The following ZC2HC1A variants were observed in gnomAD, a reference collection of about 807,000 sequenced individuals.
ZC2HC1A encodes the protein zinc finger C2HC-type containing 1A.
ZC2HC1A carries 28 observed loss-of-function variants against 40.7 expected under a neutral mutation model. The ratio of observed to expected loss-of-function variants is 0.69; its 90% confidence interval spans 0.51 to 0.94. ZC2HC1A has a LOEUF of 0.94. Ranked by LOEUF, ZC2HC1A falls within the 40% of genes least tolerant of loss-of-function variation. ZC2HC1A has a pLI of 0.00. For synonymous variants in ZC2HC1A, 129 were observed against 129.2 expected (o/e 1.00, Z 0.01); for missense variants, 389 against 386.3 (o/e 1.01, Z -0.06).
intron 5 of ZC2HC1A, among the ~76,000 whole-genome samples, chr8:78,691,797 A>G (rs1200786000): frequency 6.6e-6 from 1 of 152,000 alleles, no homozygotes; most frequent in African/African-American, 2.4e-5. Context: ...TACCTCTGAC[A>G]GGTTTGTGCT....
intron 8 of ZC2HC1A, among the ~76,000 whole-genome samples, 176 bp downstream of exon 8, chr8:78,715,504 C>T (rs1415340213): frequency 6.6e-6 from 1 of 152,082 alleles, no homozygotes; most frequent in Non-Finnish European, 1.5e-5. Context: ...AACTGAAAAC[C>T]TTCTGTAAAG....
chr8:78,717,611 G>A lies in ZC2HC1A; in HGVS notation c.*118G>A. ...AAAAATACTCGAAATACCATTTCCA[G>A]TTAATTTTGAAGTGTAATCTTTTGG... On this transcript the variant is annotated 3_prime_UTR_variant, in exon 9 of 9. Transcript: ENST00000263849. 1 of 1,170,000 alleles carries A rather than the reference G, an allele frequency of 8.5e-7. No individual in the cohort carries two copies. The highest frequency in any genetic ancestry group is 2.4e-4 in the Middle Eastern group (1 of 4,168). 72.5% of individuals were successfully genotyped at this position (1,170,000 alleles called of 1,614,324 possible).
In ZC2HC1A at chr8:78,709,144, A is replaced by G. The variant is rs116504914; in HGVS notation, c.705-6077A>G. Among the ~76,000 whole-genome samples the G allele has an allele frequency of 4.2e-3, 633 of 152,320 alleles. 3 individuals carry two copies. The highest frequency in any genetic ancestry group is 0.014 in the African/African-American group (594 of 41,582). On this transcript the variant is annotated intron_variant, in intron 7 of 8. Coordinates refer to ENST00000263849, the MANE Select transcript of ZC2HC1A (RefSeq NM_016010.3). ...ATAGTGAAACTATCAAATATCAGAG[A>G]TTTACTTCCTTTTAGTTACTATGAA...
At chr8:78,701,092 A>G (rs1810588005) in intron 7 of ZC2HC1A, among the ~76,000 whole-genome samples, 1 of 152,172 alleles carries the variant, frequency 6.6e-6, no homozygotes, top group East Asian at 1.9e-4. Flanking sequence ...CAGTATCACC[A>G]TTTTAACAAT....
At chr8:78,711,823 A>G (rs975988558) in intron 7 of ZC2HC1A, among the ~76,000 whole-genome samples, 1 of 151,898 alleles carries the variant, frequency 6.6e-6, no homozygotes, top group Non-Finnish European at 1.5e-5. Context: ...CATTGTATGA[A>G]CTCTCTGAGG....
chr8:78,704,423 T>G (rs1246824086), intron 7 of ZC2HC1A, among the ~76,000 whole-genome samples: 2 of 151,096 alleles, frequency 1.3e-5, no homozygotes, highest in Non-Finnish European at 2.9e-5. Flanking sequence ...TAAATATTGG[T>G]CCCCAATATC....
chr8:78,691,757 G>A lies in ZC2HC1A; in HGVS notation c.504+2384G>A, dbSNP rs116874370. ...CTCTAGGAATAAAAAATGCATCTTT[G>A]ACTTACCCATATCTATGGATATTTT... On this transcript the variant is annotated intron_variant, in intron 5 of 8. Coordinates refer to ENST00000263849, the MANE Select transcript of ZC2HC1A (RefSeq NM_016010.3). Among the ~76,000 whole-genome samples the A allele has an allele frequency of 5.2e-3, 790 of 151,904 alleles. 12 individuals carry two copies. The East Asian group carries it at 0.065, about 12-fold the overall frequency.
chr8:78,684,070 T>G (rs1809874982), intron 3 of ZC2HC1A, among the ~76,000 whole-genome samples: 1 of 152,196 alleles, frequency 6.6e-6, no homozygotes, highest in Non-Finnish European at 1.5e-5. Flanking sequence ...CTTTCCCACA[T>G]TTTTCTGTCT....
At position 78,710,446 on chromosome 8, in the gene ZC2HC1A, G is replaced by A. The variant is rs1438734959; in HGVS notation, c.705-4775G>A. On this transcript the variant is annotated intron_variant, in intron 7 of 8. Transcript: ENST00000263849. ...TGTTTCCATTGGATAATTACCTTTA[G>A]GTTTTTATTATATTTTACACATCTT... Among the ~76,000 whole-genome samples the A allele has an allele frequency of 2.0e-5, 3 of 151,836 alleles. No individual in the cohort carries two copies. The East Asian group carries it at 5.8e-4, about 29-fold the overall frequency.
intron 5 of ZC2HC1A, among the ~76,000 whole-genome samples, chr8:78,695,766 T>C (rs1468039716): frequency 6.6e-6 from 1 of 152,202 alleles, no homozygotes; most frequent in African/African-American, 2.4e-5. Flanking sequence ...AGACATTTGT[T>C]AATTTGAAAG....
chr8:78,709,474 G>A (rs2369440), intron 7 of ZC2HC1A, among the ~76,000 whole-genome samples: 104,163 of 151,884 alleles, frequency 0.69, 36,543 homozygotes, highest in East Asian at 0.91. Flanking sequence ...TCCAGACCTC[G>A]GTTTCTTATG....
rs1810690911 is a variant in ZC2HC1A, at chr8:78,704,064, A to T, written c.704+5551A>T. 2.0e-5 allele frequency among the ~76,000 whole-genome samples: 3 copies of T among 152,136 alleles called. No homozygotes were observed. In the South Asian group the frequency reaches 6.2e-4, roughly 32 times the overall value. ...TGAAGCTTAGTTTGGCCTGATATGA[A>T]ATTTTGAGTTGGAATTTCTTTTCTT... On this transcript the variant is annotated intron_variant, in intron 7 of 8. Coordinates refer to ENST00000263849, the MANE Select transcript of ZC2HC1A (RefSeq NM_016010.3).
At chr8:78,668,304 A>C (rs1353148232) in intron 1 of ZC2HC1A, among the ~76,000 whole-genome samples, 1 of 152,178 alleles carries the variant, frequency 6.6e-6, no homozygotes, top group Non-Finnish European at 1.5e-5. Context: ...CCTCTATTGG[A>C]AGTTAAAGTC....
chr8:78,678,775 A>G (rs756018895), intron 3 of ZC2HC1A, 96 bp downstream of exon 3: 23 of 706,782 alleles, frequency 3.3e-5, no homozygotes, highest in Non-Finnish European at 4.9e-5. Flanking sequence ...AATAAACACA[A>G]TTATCTGCTA....
intron 1 of ZC2HC1A, among the ~76,000 whole-genome samples, chr8:78,672,387 A>C (rs190809524): frequency 6.6e-6 from 1 of 152,262 alleles, no homozygotes; most frequent in South Asian, 2.1e-4. Context: ...ATATGTATAA[A>C]ATAACAATTC....
chr8:78,676,763 T>G (rs1006885328), intron 2 of ZC2HC1A, among the ~76,000 whole-genome samples: 5 of 152,038 alleles, frequency 3.3e-5, no homozygotes, highest in African/African-American at 1.2e-4. Flanking sequence ...CATTCAATGA[T>G]TTTTTTCTTA....
At chr8:78,688,820 T>C (rs886092474) in intron 4 of ZC2HC1A, among the ~76,000 whole-genome samples, 3 of 152,132 alleles carry the variant, frequency 2.0e-5, no homozygotes, top group Non-Finnish European at 4.4e-5. Flanking sequence ...GATGAGCCTG[T>C]ATTTTAAAAT....
At chr8:78,685,805 T>C (rs1341923470) in intron 3 of ZC2HC1A, 2 of 152,134 alleles carry the variant, frequency 1.3e-5, no homozygotes, top group Non-Finnish European at 1.5e-5. Flanking sequence ...AACAGGGAAA[T>C]ACACTGTGTT....
chr8:78,684,825 TA>T (rs956972104), intron 3 of ZC2HC1A, among the ~76,000 whole-genome samples: 4 of 151,950 alleles, frequency 2.6e-5, no homozygotes, highest in African/African-American at 7.2e-5. Flanking sequence ...TTCCACAAAG[TA>T]AAAAAATACT....
Sources: gnomAD v4.1 joint callset for allele counts (sites outside exome capture counted in the v4.1 genomes callset) on GRCh38, gnomAD v4.1.1 for gene constraint, MANE v1.5 for transcripts, NCBI Gene and HGNC (gene_info 2026-07-23, HGNC 2026-07-21) for gene names.